Variants in ACSM3 observed in about 807,000 individuals in gnomAD.
ACSM3 encodes the protein acyl-CoA synthetase medium chain family member 3, also known as acyl-coenzyme A synthetase ACSM3, mitochondrial.
In ACSM3, 61 loss-of-function variants were observed where a neutral mutation model predicts 74.1. The observed-to-expected ratio is 0.82, with a 90% CI of 0.67 to 1.02. The LOEUF (loss-of-function observed/expected upper bound fraction) is 1.02, where lower values mean the gene tolerates loss of function less well. Ranked by LOEUF, ACSM3 falls within the 50% of genes least tolerant of loss-of-function variation. ACSM3 has a pLI of 0.00. For missense variants in ACSM3, 660 were observed against 697.0 expected (o/e 0.95, Z 0.60); for synonymous variants, 213 against 241.5 (o/e 0.88, Z 1.09).
intron 4 of ACSM3, among the ~76,000 whole-genome samples, chr16:20,779,418 C>A (rs1373397488): frequency 1.8e-5 from 2 of 111,172 alleles, no homozygotes. Flanking sequence ...AGAGAGAAAC[C>A]CTGTCTCAAA....
intron 4 of ACSM3, among the ~76,000 whole-genome samples, chr16:20,777,897 C>A (rs554853113): frequency 6.6e-6 from 1 of 152,194 alleles, no homozygotes; most frequent in African/African-American, 2.4e-5. Context: ...GCGATGTATT[C>A]CCTACAAAGC....
chr16:20,702,157 C>A (rs913125995), intron 1 of ACSM3, among the ~76,000 whole-genome samples: 27 of 152,222 alleles, frequency 1.8e-4, no homozygotes, highest in African/African-American at 6.3e-4. Context: ...ACACTCCCAC[C>A]AACAGTGTAG....
intron 1 of ACSM3, chr16:20,742,061 C>T: frequency 1.5e-6 from 2 of 1,364,286 alleles, no homozygotes; most frequent in Non-Finnish European, 9.5e-7. Context: ...TAGCTTCTTC[C>T]ACCCAACCTT....
chr16:20,710,164 T>C (rs776655533), intron 1 of ACSM3, among the ~76,000 whole-genome samples: 1 of 152,186 alleles, frequency 6.6e-6, no homozygotes, highest in Non-Finnish European at 1.5e-5. Context: ...AACTAAGCAT[T>C]GCCAAAGTAG....
chr16:20,711,577 C>T (rs2079744216), intron 1 of ACSM3: 6 of 1,371,868 alleles, frequency 4.4e-6, no homozygotes, highest in Non-Finnish European at 2.0e-6. Flanking sequence ...GGAGGTGGTC[C>T]CAGTAGTGGA....
At chr16:20,773,870 AG>A (rs2080223023) in intron 2 of ACSM3, among the ~76,000 whole-genome samples, 1 of 152,208 alleles carries the variant, frequency 6.6e-6, no homozygotes, top group Admixed American at 6.5e-5. Context: ...AATATCTGCG[AG>A]GTCCATTTGG....
At position 20,717,919 on chromosome 16, in the gene ACSM3, A is replaced by G. The variant is rs555607063; in HGVS notation, c.-189-31991A>G. ...GGAGAAGGAGGAAAAAAAGAAGAAG[A>G]AGGAGGAGAAGGAGAAGGAGAAGAG... On this transcript the variant is annotated intron_variant, in intron 1 of 3. Transcript: ENST00000561584. Among the ~76,000 whole-genome samples the G allele has an allele frequency of 8.9e-3, 1,181 of 132,540 alleles. 23 individuals carry two copies. The highest frequency in any genetic ancestry group is 0.027 in the African/African-American group (1,054 of 38,834). The allele number at this position is 132,540 out of a possible 152,430, so 87.0% of individuals were successfully genotyped here.
At chr16:20,678,156 G>C (rs1048671124) in intron 1 of ACSM3, among the ~76,000 whole-genome samples, 1 of 152,056 alleles carries the variant, frequency 6.6e-6, no homozygotes, top group Non-Finnish European at 1.5e-5. Flanking sequence ...CCAAATGAAA[G>C]GGCTTGTTTT....
chr16:20,765,822 C>T (rs369340418), intron 1 of ACSM3, among the ~76,000 whole-genome samples: 2 of 152,274 alleles, frequency 1.3e-5, no homozygotes, highest in East Asian at 1.9e-4. Flanking sequence ...CTTAACAGTA[C>T]AACCACTTGC....
At chr16:20,693,867 C>T (rs2152342977) in intron 1 of ACSM3, among the ~76,000 whole-genome samples, 1 of 152,316 alleles carries the variant, frequency 6.6e-6, no homozygotes, top group East Asian at 1.9e-4. Flanking sequence ...AGAGGTTCCT[C>T]TTCAAAGACT....
At chr16:20,743,297 C>T (rs1261517107) in intron 1 of ACSM3, among the ~76,000 whole-genome samples, 1 of 152,080 alleles carries the variant, frequency 6.6e-6, no homozygotes, top group Non-Finnish European at 1.5e-5. Context: ...ACTCAAAAGG[C>T]TTCCAGTAAA....
At chr16:20,727,514 C>A in intron 1 of ACSM3, 1 of 336,412 alleles carries the variant, frequency 3.0e-6, no homozygotes, top group South Asian at 2.8e-5. Context: ...GGGGGCCTTT[C>A]TGCCCCAGGA....
intron 2 of ACSM3, among the ~76,000 whole-genome samples, chr16:20,750,262 T>C (rs2079979722): frequency 6.6e-6 from 1 of 152,252 alleles, no homozygotes; most frequent in Non-Finnish European, 1.5e-5. Flanking sequence ...ATGCGTGTAT[T>C]ATTTTTATAT....
chr16:20,721,091 CA>C (rs1373947687), intron 1 of ACSM3: 1 of 152,192 alleles, frequency 6.6e-6, no homozygotes, highest in Non-Finnish European at 1.5e-5. Flanking sequence ...AATGTGTTTG[CA>C]GCTTTGATGA....
intron 6 of ACSM3, 46 bp from the exon 7 acceptor site, chr16:20,781,662 A>G (rs1276218799): frequency 7.1e-7 from 1 of 1,400,332 alleles, no homozygotes; most frequent in Admixed American, 1.7e-5. Context: ...TTAAGCACTT[A>G]TTTAAGTTGT....
At chr16:20,741,479 C>CGGGGGGGGGGGGGGG in intron 1 of ACSM3, 163 of 1,329,448 alleles carry the variant, frequency 1.2e-4, no homozygotes, top group East Asian at 3.1e-4. Flanking sequence ...GCCTGGCAGC[C>CGGGGGGGGGGGGGGG]GGCCCGCCCG....
chr16:20,693,459 G>A (rs1316204825), intron 1 of ACSM3, among the ~76,000 whole-genome samples: 1 of 152,278 alleles, frequency 6.6e-6, no homozygotes, highest in African/African-American at 2.4e-5. Flanking sequence ...ACTGAAGAAA[G>A]CTATTTCTCA....
At chr16:20,735,923 C>T (rs903324794) in intron 1 of ACSM3, 4 of 152,018 alleles carry the variant, frequency 2.6e-5, no homozygotes, top group Non-Finnish European at 5.9e-5. Flanking sequence ...ACCAACCATG[C>T]ATATTTTCCT....
chr16:20,737,080 T>G (rs779587407), intron 1 of ACSM3: 33 of 1,614,120 alleles, frequency 2.0e-5, no homozygotes, highest in Non-Finnish European at 2.7e-5. Context: ...GATTCCAGTT[T>G]AGCTTCTTTC....
Sources: allele counts gnomAD v4.1 joint callset (sites outside exome capture counted in the v4.1 genomes callset), GRCh38; gene constraint gnomAD v4.1.1; transcripts MANE v1.5; gene names NCBI Gene and HGNC (gene_info 2026-07-23, HGNC 2026-07-21).